PDE4D: variants seen among roughly 807,000 people sequenced by gnomAD.
PDE4D encodes phosphodiesterase 4D.
PDE4D carries 24 observed loss-of-function variants against 87.4 expected under a neutral mutation model. The observed-to-expected ratio is 0.27, with a 90% CI of 0.20 to 0.39. The LOEUF is 0.39. Ranked by LOEUF, PDE4D falls within the 10% of genes least tolerant of loss-of-function variation. PDE4D has a pLI of 1.00. For synonymous variants in PDE4D, 384 were observed against 383.2 expected (o/e 1.00, Z -0.02); for missense variants, 714 against 1,041.0 (o/e 0.69, Z 4.32).
intron 6 of PDE4D, among the ~76,000 whole-genome samples, chr5:59,025,828 C>T (rs2153380570): frequency 6.6e-6 from 1 of 152,320 alleles, no homozygotes; most frequent in South Asian, 2.1e-4. Context: ...TGGACACATC[C>T]CCAGCAGGCC....
chr5:59,725,652 A>T (rs1475682812), intron 1 of PDE4D, among the ~76,000 whole-genome samples: 1 of 152,134 alleles, frequency 6.6e-6, no homozygotes, highest in Admixed American at 6.6e-5. Context: ...TAGTAAACCT[A>T]ATTTGAAATG....
At chr5:59,030,467 C>CAGTG (rs1757181288) in intron 6 of PDE4D, among the ~76,000 whole-genome samples, 1 of 145,832 alleles carries the variant, frequency 6.9e-6, no homozygotes, top group Non-Finnish European at 1.5e-5. Flanking sequence ...CAGCCCTGCA[C>CAGTG]AGTGGCTCAT....
chr5:60,387,857 C>T (rs1762301248), intron 1 of PDE4D, among the ~76,000 whole-genome samples: 1 of 152,062 alleles, frequency 6.6e-6, no homozygotes, highest in Non-Finnish European at 1.5e-5. Context: ...GCATCAGATC[C>T]CATAGGTTGA....
rs747797026 is a variant in PDE4D, at chr5:59,817,751, CA to C, written c.455+75416del. Reference sequence around the variant, plus strand: ...GCGCGCACACACCCACACCCCCCCCCACACACACACAGAAAGGCCATGTGAG... The same window carrying C: ...GCGCGCACACACCCACACCCCCCCCCCACACACACAGAAAGGCCATGTGAG... On this transcript the variant is annotated intron_variant, in intron 1 of 14. Coordinates refer to ENST00000340635, the MANE Select transcript of PDE4D (RefSeq NM_001104631.2). Among the ~76,000 whole-genome samples the C allele has an allele frequency of 1.8e-3, 264 of 149,168 alleles. 7 individuals carry two copies. Among genetic ancestry groups the C allele is most frequent in the Non-Finnish European group, 2.2e-3 (145 of 66,534 alleles).
At chr5:59,377,059 C>T (rs1784849532) in intron 1 of PDE4D, among the ~76,000 whole-genome samples, 1 of 151,924 alleles carries the variant, frequency 6.6e-6, no homozygotes, top group Admixed American at 6.6e-5. Flanking sequence ...AATGTAAAAC[C>T]CAAAGCTATA....
At chr5:59,936,848 G>A (rs1375736854) in intron 3 of PDE4D, among the ~76,000 whole-genome samples, 2 of 152,128 alleles carry the variant, frequency 1.3e-5, no homozygotes, top group Non-Finnish European at 2.9e-5. Context: ...ATCTTTTAAT[G>A]ACAAAATAAA....
chr5:60,008,778 C>T (rs1421582538), intron 2 of PDE4D, among the ~76,000 whole-genome samples: 1 of 152,088 alleles, frequency 6.6e-6, no homozygotes, highest in Non-Finnish European at 1.5e-5. Flanking sequence ...AACTATGTCT[C>T]ACCTTTGCTC....
intron 2 of PDE4D, among the ~76,000 whole-genome samples, chr5:60,003,755 C>T (rs1028877684): frequency 6.7e-6 from 1 of 149,898 alleles, no homozygotes; most frequent in South Asian, 2.1e-4. Flanking sequence ...AAGTTGGAAG[C>T]GTCATACTCC....
chr5:59,703,060 T>C (rs762666332), intron 1 of PDE4D, among the ~76,000 whole-genome samples: 1 of 152,062 alleles, frequency 6.6e-6, no homozygotes, highest in Non-Finnish European at 1.5e-5. Context: ...CACATAGAAA[T>C]GTTCCCTGAG....
At chr5:60,021,597 A>G (rs1766071682) in intron 2 of PDE4D, among the ~76,000 whole-genome samples, 1 of 152,202 alleles carries the variant, frequency 6.6e-6, no homozygotes, top group Admixed American at 6.5e-5. Flanking sequence ...ACATTTATTT[A>G]TGTAAGGAGT....
At chr5:59,959,024 A>G (rs192520402) in intron 3 of PDE4D, among the ~76,000 whole-genome samples, 46 of 152,254 alleles carry the variant, frequency 3.0e-4, no homozygotes, top group Admixed American at 1.7e-3. Flanking sequence ...TACGAAAATC[A>G]GTAGCATTTC....
intron 1 of PDE4D, among the ~76,000 whole-genome samples, chr5:59,253,642 A>G (rs1369441373): frequency 6.6e-6 from 1 of 152,178 alleles, no homozygotes; most frequent in Non-Finnish European, 1.5e-5. Flanking sequence ...ATAAAACCAA[A>G]TTATTTTACA....
At chr5:59,648,365 A>G (rs1450127407) in intron 1 of PDE4D, among the ~76,000 whole-genome samples, 1 of 152,182 alleles carries the variant, frequency 6.6e-6, no homozygotes, top group Non-Finnish European at 1.5e-5. Flanking sequence ...AGATTGAAAA[A>G]CAAGGCCTTT....
At chr5:59,509,380 A>G (rs374622722) in intron 1 of PDE4D, among the ~76,000 whole-genome samples, 11 of 151,400 alleles carry the variant, frequency 7.3e-5, no homozygotes, top group African/African-American at 2.7e-4. Flanking sequence ...CACTAGAGAA[A>G]CTTCTAAAAG....
At chr5:59,916,042 A>G (rs1460205868) in intron 3 of PDE4D, among the ~76,000 whole-genome samples, 1 of 152,194 alleles carries the variant, frequency 6.6e-6, no homozygotes, top group Non-Finnish European at 1.5e-5. Flanking sequence ...TAGTTCCATT[A>G]TTTAATCTCT....
intron 1 of PDE4D, among the ~76,000 whole-genome samples, chr5:59,754,907 T>G (rs1469160786): frequency 6.7e-6 from 1 of 149,184 alleles, no homozygotes; most frequent in African/African-American, 2.5e-5. Context: ...GCTTAGGGAT[T>G]AGCATCACCC....
intron 2 of PDE4D, among the ~76,000 whole-genome samples, chr5:60,185,337 GAT>G (rs1784697886): frequency 6.6e-6 from 1 of 152,088 alleles, no homozygotes; most frequent in Admixed American, 6.6e-5. Flanking sequence ...TGAATGGTAA[GAT>G]ATAAACTAGC....
intron 1 of PDE4D, among the ~76,000 whole-genome samples, chr5:60,276,257 A>G (rs1751354858): frequency 1.3e-5 from 2 of 152,006 alleles, no homozygotes; most frequent in Non-Finnish European, 1.5e-5. Context: ...AGATTTGTCT[A>G]TTTCTCCTTT....
chr5:59,406,154 T>C (rs1016851095), intron 1 of PDE4D, among the ~76,000 whole-genome samples: 5 of 152,154 alleles, frequency 3.3e-5, no homozygotes, highest in Non-Finnish European at 7.3e-5. Flanking sequence ...AGCCATCAGA[T>C]CCTGGGCTTT....
Sources: allele counts gnomAD v4.1 joint callset (sites outside exome capture counted in the v4.1 genomes callset), GRCh38; gene constraint gnomAD v4.1.1; transcripts MANE v1.5; gene names NCBI Gene and HGNC (gene_info 2026-07-23, HGNC 2026-07-21).